Variants in KMT2C observed in about 807,000 individuals in gnomAD.
KMT2C encodes lysine methyltransferase 2C, also known as histone-lysine N-methyltransferase 2C.
Under a neutral mutation model 507.9 loss-of-function variants are expected in KMT2C, and 88 were observed. The observed-to-expected ratio is 0.17, with a 90% CI of 0.15 to 0.21. The LOEUF (loss-of-function observed/expected upper bound fraction) is 0.21, where lower values mean the gene tolerates loss of function less well. Ranked by LOEUF, KMT2C falls within the 10% of genes least tolerant of loss-of-function variation. KMT2C has a pLI of 1.00. For synonymous variants in KMT2C, 2,049 were observed against 2,080.8 expected, an observed-to-expected ratio of 0.98 and a Z score of 0.42; for missense variants, 4,954 against 5,957.8, an observed-to-expected ratio of 0.83 and a Z score of 5.55.
Position 152,181,505 on chromosome 7 carries a change from G to A in KMT2C, c.6355C>T (p.Pro2119Ser). ...FAHPSRAFSQPGTISRPTSQD... is the reference protein window; with the variant it reads ...FAHPSRAFSQSGTISRPTSQD... ...GATGTTGGCCTTGATATGGTTCCAG[G>A]CTGGGAAAAAGCCCTTGAAGGATGG... Residue 2119 changes from proline to serine, a missense_variant, in exon 36 of 59, where the codon CCT (proline) becomes TCT (serine). By Grantham distance (74) the Pro-to-Ser change is moderately conservative. Transcript: ENST00000262189. The A allele has an allele frequency of 6.2e-7, 1 of 1,614,098 alleles. No individual in the cohort carries two copies. Among genetic ancestry groups the A allele is most frequent in the South Asian group, 1.1e-5 (1 of 91,076 alleles).
chr7:152,175,761 C>A (rs570360563), intron 38 of KMT2C, among the ~76,000 whole-genome samples: 36 of 152,296 alleles, frequency 2.4e-4, no homozygotes, highest in African/African-American at 7.9e-4. Context: ...TCAAGGAGGG[C>A]CAAGCAGGGT....
At chr7:152,385,949 G>A (rs186909671) in intron 1 of KMT2C, among the ~76,000 whole-genome samples, 4 of 151,872 alleles carry the variant, frequency 2.6e-5, no homozygotes, top group Non-Finnish European at 4.4e-5. Context: ...TTAGCCTGGC[G>A]TGGTAGCACT....
chr7:152,346,562 T>G (rs971311220), intron 2 of KMT2C, among the ~76,000 whole-genome samples: 2 of 152,182 alleles, frequency 1.3e-5, no homozygotes, highest in African/African-American at 4.8e-5. Context: ...ATTTGTGAGA[T>G]GCAGTGAAAG....
intron 16 of KMT2C, among the ~76,000 whole-genome samples, chr7:152,233,895 A>G (rs1246559859): frequency 6.6e-6 from 1 of 152,226 alleles, no homozygotes; most frequent in East Asian, 1.9e-4. Context: ...CCGTAATCCC[A>G]GCACTTTGGG....
At chr7:152,243,988 G>A (rs1358704648) in intron 14 of KMT2C, among the ~76,000 whole-genome samples, 3 of 152,124 alleles carry the variant, frequency 2.0e-5, no homozygotes, top group Admixed American at 6.5e-5. Context: ...AATACAAGAA[G>A]ACCTAAGATT....
chr7:152,180,170 A>G, intron 36 of KMT2C, 44 bp from the exon 37 acceptor site: 2 of 1,601,256 alleles, frequency 1.2e-6, no homozygotes, highest in Non-Finnish European at 1.7e-6. Flanking sequence ...GTGGTAATTA[A>G]TGGCTTTTTA....
At chr7:152,258,174 G>T (rs1403064675) in intron 9 of KMT2C, among the ~76,000 whole-genome samples, 6 of 152,184 alleles carry the variant, frequency 3.9e-5, no homozygotes, top group Admixed American at 6.5e-5. Context: ...AGATGAGCTT[G>T]TAACATCTTG....
chr7:152,314,888 A>G (rs1437437322), intron 4 of KMT2C, among the ~76,000 whole-genome samples: 3 of 152,120 alleles, frequency 2.0e-5, no homozygotes, highest in African/African-American at 7.2e-5. Flanking sequence ...CCAAAAGTTT[A>G]GTTTTGTGAT....
In KMT2C at chr7:152,155,996, C is replaced by G. The variant is rs1377919386; in HGVS notation, c.11874G>C (p.Leu3958Phe). 1 of 1,609,986 alleles carries G rather than the reference C, an allele frequency of 6.2e-7. No homozygotes were observed. Residue 3958 changes from leucine (L) to phenylalanine (F), a missense_variant, in exon 46 of 59, where the codon TTG becomes TTC. By Grantham distance (22) the Leu-to-Phe change is conservative (BLOSUM62 0). This residue lies in a region of KMT2C where 104 missense variants were observed against 134.3 expected (regional missense o/e 0.77). Coordinates refer to ENST00000262189, the MANE Select transcript of KMT2C (RefSeq NM_170606.3). ...TGGGGCCCTGAGCAAGAGCTCGGGC[C>G]AACAAGTCGTCCTGGGGTCTGAAGG... ...QLPFRPQDDL[L>F]ARALAQGPKT...
chr7:152,182,524 T>G lies in KMT2C; in HGVS notation c.5336A>C (p.Glu1779Ala), dbSNP rs372775360. ...ATQKLEQVKN[E>A]QQQQQQQQFG... ...TTGCTGTTGTTGCTGCTGCTGCTGC[T>G]CATTTTTCACCTGTTCAAGTTTCTG... The change falls in exon 36 of 59, where the codon GAG becomes GCG. Residue 1779 changes from glutamate (E) to alanine (A), a missense_variant. Around this residue, in one of 29 missense-constraint regions of KMT2C, gnomAD observed 16 missense variants for 42.6 expected, o/e 0.38. Coordinates refer to ENST00000262189, the MANE Select transcript of KMT2C (RefSeq NM_170606.3). 5 of 1,613,474 alleles carry G rather than the reference T, an allele frequency of 3.1e-6. No individual in the cohort carries two copies. The African/African-American group carries it at 6.7e-5, about 22-fold the overall frequency.
chr7:152,314,496 GC>G (rs1165661002), intron 4 of KMT2C, among the ~76,000 whole-genome samples: 1 of 149,300 alleles, frequency 6.7e-6, no homozygotes, highest in Non-Finnish European at 1.5e-5. Context: ...ATTACAATGT[GC>G]CCGTGAATAC....
At chr7:152,362,821 T>C (rs1041871085) in intron 1 of KMT2C, among the ~76,000 whole-genome samples, 11 of 152,192 alleles carry the variant, frequency 7.2e-5, no homozygotes, top group African/African-American at 2.7e-4. Context: ...TAAAAAATAA[T>C]TTTGATTTTA....
chr7:152,150,653 T>C (rs2091535204), intron 51 of KMT2C, among the ~76,000 whole-genome samples: 1 of 152,192 alleles, frequency 6.6e-6, no homozygotes. Flanking sequence ...GATTTTAATA[T>C]TAGTGTTCTG....
chr7:152,417,440 A>G (rs1481021677), intron 1 of KMT2C, among the ~76,000 whole-genome samples: 1 of 151,980 alleles, frequency 6.6e-6, no homozygotes, highest in Admixed American at 6.6e-5. Context: ...CTTAACACAT[A>G]TACCCTCTTT....
chr7:152,417,317 C>T (rs970633253), intron 1 of KMT2C, among the ~76,000 whole-genome samples: 1 of 152,064 alleles, frequency 6.6e-6, no homozygotes, highest in African/African-American at 2.4e-5. Flanking sequence ...TGGGTTTCAC[C>T]ATGTTGGTCA....
chr7:152,323,874 T>C (rs1244450458), intron 3 of KMT2C, among the ~76,000 whole-genome samples: 2 of 151,126 alleles, frequency 1.3e-5, no homozygotes, highest in Non-Finnish European at 3.0e-5. Flanking sequence ...GGACCTGTCA[T>C]CTGCAACAAC....
intron 6 of KMT2C, among the ~76,000 whole-genome samples, chr7:152,275,893 T>C (rs2096071419): frequency 1.3e-5 from 2 of 152,236 alleles, no homozygotes; most frequent in African/African-American, 4.8e-5. Flanking sequence ...AGAAGCCTTT[T>C]ACACTAAAAA....
rs769381866 is a variant in KMT2C at position 152,297,055 on chromosome 7, CAGAGAGAGAGAG to C, written c.849+12899_849+12910del. Among the ~76,000 whole-genome samples the C allele has an allele frequency of 8.3e-3, 696 of 84,362 alleles. 11 individuals are homozygous for C. Among genetic ancestry groups the C allele is most frequent in the Non-Finnish European group, 0.01 (443 of 44,016 alleles). The allele number at this position is 84,362 out of a possible 152,430, so 55.3% of individuals were successfully genotyped here. On this transcript the variant is annotated intron_variant, in intron 6 of 58. Coordinates refer to ENST00000262189, the MANE Select transcript of KMT2C (RefSeq NM_170606.3). ...AAAGAAAGAAAGAAAGAAAGAAAGA[CAGAGAGAGAGAG>C]AGAGAGAGAGAGAGAGAGAGAGAGA...
chr7:152,156,093 C>T (rs2129099715), intron 45 of KMT2C, 36 bp from the exon 46 acceptor site: 1 of 1,596,894 alleles, frequency 6.3e-7, no homozygotes, highest in East Asian at 2.2e-5. Flanking sequence ...TAAATACATT[C>T]AGTCAATATT....
Sources: allele counts gnomAD v4.1 joint callset (sites outside exome capture counted in the v4.1 genomes callset), GRCh38; gene constraint gnomAD v4.1.1; regional missense constraint gnomAD v4.1.1; transcripts MANE v1.5; gene names NCBI Gene and HGNC (gene_info 2026-07-23, HGNC 2026-07-21).